The following NDUFA10 variants were observed in gnomAD, a reference collection of about 807,000 sequenced individuals.
NDUFA10 encodes NADH:ubiquinone oxidoreductase subunit A10.
Under a neutral mutation model 47.8 loss-of-function variants are expected in NDUFA10, and 40 were observed. The observed-to-expected ratio is 0.84, with a 90% CI of 0.65 to 1.09. The LOEUF (loss-of-function observed/expected upper bound fraction) is 1.09. Ranked by LOEUF, NDUFA10 falls within the 50% of genes least tolerant of loss-of-function variation. The pLI is 0.00. For synonymous variants in NDUFA10, 183 were observed against 172.2 expected (o/e 1.06, Z -0.49); for missense variants, 413 against 451.1 (o/e 0.92, Z 0.76).
intron 4 of NDUFA10, among the ~76,000 whole-genome samples, chr2:239,946,400 C>T (rs1012944566): frequency 2.9e-4 from 44 of 152,212 alleles, no homozygotes; most frequent in Admixed American, 1.3e-3. Flanking sequence ...GGAATTAGCT[C>T]GTTAACCCGC....
chr2:239,982,010 T>C (rs1695795588), intron 9 of NDUFA10: 2 of 1,453,130 alleles, frequency 1.4e-6, no homozygotes, highest in African/African-American at 1.4e-5. Flanking sequence ...CTCCAGGAAA[T>C]AACCGGCTGC....
chr2:239,991,149 A>G (rs1287679412), intron 8 of NDUFA10, among the ~76,000 whole-genome samples: 1 of 152,138 alleles, frequency 6.6e-6, no homozygotes, highest in Admixed American at 6.5e-5. Context: ...TCTCCCACAA[A>G]CAGAACAACC....
downstream of NDUFA10, among the ~76,000 whole-genome samples, chr2:239,955,577 G>C (rs141060236): frequency 6.6e-6 from 1 of 152,280 alleles, no homozygotes; most frequent in Non-Finnish European, 1.5e-5. Flanking sequence ...TGGCACGCGA[G>C]GCAAAAGGCT....
chr2:239,960,728 C>T lies in NDUFA10; in HGVS notation c.*390G>A, dbSNP rs1012835288. 6 of 1,186,592 alleles carry T rather than the reference C, an allele frequency of 5.1e-6. No homozygotes were observed. The highest frequency in any genetic ancestry group is 5.6e-5 in the East Asian group (1 of 17,912). The allele number at this position is 1,186,592 out of a possible 1,614,324, so 73.5% of individuals were successfully genotyped here. ...ACGTGCCCGCACGCACATAGACGTACGATGGGGAAATTCCCATGGAAACAC... is the reference window on the plus strand; with the variant it reads ...ACGTGCCCGCACGCACATAGACGTATGATGGGGAAATTCCCATGGAAACAC... On this transcript the variant is annotated 3_prime_UTR_variant, in exon 10 of 10. Transcript: ENST00000252711.
chr2:240,011,339 G>A lies in NDUFA10; in HGVS notation c.749+278C>T, dbSNP rs111613169. Among the ~76,000 whole-genome samples the A allele has an allele frequency of 0.018, 2,725 of 152,250 alleles. 81 individuals are homozygous for A. The highest frequency in any genetic ancestry group is 0.062 in the African/African-American group (2,572 of 41,524). ...GTTCTCTATGGTAAAACCTGTCATG[G>A]AATAGAGCTTGGTTTACTTCTAGCA... On this transcript the variant is annotated intron_variant, in intron 6 of 9. Coordinates refer to ENST00000252711, the MANE Select transcript of NDUFA10 (RefSeq NM_004544.4).
In NDUFA10 at chr2:239,990,062, CCA is replaced by C; in HGVS notation, c.999+10_999+11del. ...ATCCACTGGCCAGCTTTCTCCATTT[CCA>C]CAGTCTTACCTCTCTGAACTGATGT... On this transcript the variant is annotated intron_variant, in intron 9 of 9. Coordinates refer to ENST00000252711, the MANE Select transcript of NDUFA10 (RefSeq NM_004544.4). 1 of 1,585,986 alleles carries C rather than the reference CCA, an allele frequency of 6.3e-7. No homozygotes were observed. The highest frequency in any genetic ancestry group is 8.7e-7 in the Non-Finnish European group (1 of 1,154,484).
rs1219955132 is a variant in NDUFA10, at chr2:239,959,637, G to A, written c.*1481C>T. The A allele has an allele frequency of 5.1e-6, 5 of 984,548 alleles. No individual in the cohort carries two copies. The African/African-American group carries it at 8.7e-5, about 17-fold the overall frequency. The allele number at this position is 984,548 out of a possible 1,614,324, so 61.0% of individuals were successfully genotyped here. ...TTAAAACAAGGAAGGAGGCAGGGAG[G>A]AAGGGAAGGGAGGAAAACAAGGACA... On this transcript the variant is annotated 3_prime_UTR_variant, in exon 10 of 10. Transcript: ENST00000252711.
rs192611268 is a variant in NDUFA10 at position 239,982,978 on chromosome 2, T to G, written c.999+7096A>C. ...TTGTTAGAAATAAAAACCCTCCATC[T>G]CCTCCTACTCCTGGGGAAGGCCTGC... On this transcript the variant is annotated intron_variant, in intron 9 of 9. Coordinates refer to ENST00000252711, the MANE Select transcript of NDUFA10 (RefSeq NM_004544.4). Among the ~76,000 whole-genome samples, 19 of 152,252 alleles carry G rather than the reference T, an allele frequency of 1.2e-4. No individual in the cohort carries two copies. In the East Asian group the frequency reaches 3.7e-3, roughly 29 times the overall value.
At chr2:239,913,261 A>G (rs1242207946) in intron 4 of NDUFA10, among the ~76,000 whole-genome samples, 1 of 152,254 alleles carries the variant, frequency 6.6e-6, no homozygotes, top group African/African-American at 2.4e-5. Context: ...TGGGAGTCGT[A>G]GCTGACTGGG....
At chr2:239,941,648 C>T (rs1323034593) in intron 4 of NDUFA10, among the ~76,000 whole-genome samples, 1 of 151,688 alleles carries the variant, frequency 6.6e-6, no homozygotes, top group African/African-American at 2.4e-5. Context: ...ATGATTGAAC[C>T]TGAGAGGCGG....
intron 9 of NDUFA10, among the ~76,000 whole-genome samples, chr2:239,989,089 C>T (rs1164217875): frequency 6.6e-6 from 1 of 152,244 alleles, no homozygotes; most frequent in Non-Finnish European, 1.5e-5. Flanking sequence ...CACACACTCA[C>T]ACACGTGTAC....
intron 4 of NDUFA10, among the ~76,000 whole-genome samples, chr2:239,930,405 G>A (rs1694146952): frequency 6.6e-6 from 1 of 151,964 alleles, no homozygotes; most frequent in Admixed American, 6.6e-5. Context: ...GCCCTCCTCA[G>A]AGACCTTTCC....
intron 9 of NDUFA10, among the ~76,000 whole-genome samples, chr2:239,982,686 G>A (rs915193655): frequency 6.6e-6 from 1 of 152,200 alleles, no homozygotes; most frequent in Admixed American, 6.5e-5. Context: ...AGACAGAAAT[G>A]AGATGAAGGC....
intron 4 of NDUFA10, among the ~76,000 whole-genome samples, chr2:239,908,790 C>T (rs966919896): frequency 3.3e-5 from 5 of 152,232 alleles, no homozygotes; most frequent in African/African-American, 1.2e-4. Context: ...GTGCCCTCCA[C>T]AGCCCACCTT....
intron 6 of NDUFA10, among the ~76,000 whole-genome samples, chr2:240,008,574 T>C (rs1000371887): frequency 1.3e-5 from 2 of 152,242 alleles, no homozygotes; most frequent in Non-Finnish European, 2.9e-5. Flanking sequence ...TAAACATCCC[T>C]GATGAACAGG....
At chr2:239,962,964 C>T (rs1315214149) in intron 9 of NDUFA10, among the ~76,000 whole-genome samples, 1 of 152,130 alleles carries the variant, frequency 6.6e-6, no homozygotes, top group Non-Finnish European at 1.5e-5. Context: ...CACCACCCAC[C>T]AGACCCCACC....
intron 4 of NDUFA10, among the ~76,000 whole-genome samples, chr2:239,920,404 G>A (rs777920491): frequency 3.9e-5 from 6 of 152,214 alleles, no homozygotes; most frequent in Non-Finnish European, 5.9e-5. Context: ...GCTCAGCCCC[G>A]TCCTGGGGCA....
At chr2:240,023,647 T>A (rs192211536) in intron 1 of NDUFA10, among the ~76,000 whole-genome samples, 343 of 152,318 alleles carry the variant, frequency 2.3e-3, no homozygotes, top group African/African-American at 7.9e-3. Flanking sequence ...CATATCCATA[T>A]TATGGAATAC....
chr2:239,997,136 G>A (rs1329696547), intron 8 of NDUFA10, among the ~76,000 whole-genome samples: 1 of 151,198 alleles, frequency 6.6e-6, no homozygotes, highest in African/African-American at 2.4e-5. Flanking sequence ...CGGAACCCAG[G>A]GATACAAAGG....
Sources: allele counts gnomAD v4.1 joint callset (sites outside exome capture counted in the v4.1 genomes callset), GRCh38; gene constraint gnomAD v4.1.1; transcripts MANE v1.5; gene names NCBI Gene and HGNC (gene_info 2026-07-23, HGNC 2026-07-21).